Variants in EXOC4 observed in about 807,000 individuals in gnomAD.
EXOC4 encodes SEC8-like 1.
Under a neutral mutation model 107.2 loss-of-function variants are expected in EXOC4, and 71 were observed. The observed-to-expected ratio is 0.66, with a 90% CI of 0.55 to 0.81. EXOC4 has a LOEUF of 0.81. EXOC4 is among the 30% of genes least tolerant of loss of function. EXOC4 has a pLI of 0.00. For synonymous variants in EXOC4, 456 were observed against 441.2 expected, an observed-to-expected ratio of 1.03 and a Z score of -0.42; for missense variants, 1,108 against 1,189.6, an observed-to-expected ratio of 0.93 and a Z score of 1.01.
intron 10 of EXOC4, among the ~76,000 whole-genome samples, chr7:133,816,472 G>T (rs928256378): frequency 6.6e-6 from 1 of 152,134 alleles, no homozygotes; most frequent in Admixed American, 6.5e-5. Context: ...TAAGGTTGAA[G>T]TTCTCCTTTG....
intron 10 of EXOC4, among the ~76,000 whole-genome samples, chr7:133,648,535 T>A (rs1173293924): frequency 6.6e-6 from 1 of 152,164 alleles, no homozygotes; most frequent in Non-Finnish European, 1.5e-5. Context: ...TATCCCCCAA[T>A]GTACGATATA....
chr7:133,419,387 C>T (rs899175423), intron 7 of EXOC4, among the ~76,000 whole-genome samples: 102 of 152,104 alleles, frequency 6.7e-4, no homozygotes, highest in African/African-American at 2.4e-3. Flanking sequence ...TCCAATTCTT[C>T]AAGTTGGTAT....
chr7:133,255,631 G>A (rs1166517827), intron 1 of EXOC4, among the ~76,000 whole-genome samples: 3 of 152,222 alleles, frequency 2.0e-5, no homozygotes, highest in African/African-American at 7.2e-5. Flanking sequence ...CCTTAAGACC[G>A]AATGGTGTTG....
chr7:134,014,565 G>C (rs1794855537), intron 17 of EXOC4, among the ~76,000 whole-genome samples: 1 of 152,070 alleles, frequency 6.6e-6, no homozygotes, highest in Non-Finnish European at 1.5e-5. Flanking sequence ...TATTTTGTAT[G>C]ACACTATTCA....
At chr7:134,057,860 G>T (rs1326491836) in intron 17 of EXOC4, among the ~76,000 whole-genome samples, 1 of 152,172 alleles carries the variant, frequency 6.6e-6, no homozygotes, top group Non-Finnish European at 1.5e-5. Flanking sequence ...TTGGACATGA[G>T]AAATAGATCC....
chr7:133,968,314 T>C (rs1039542743), intron 14 of EXOC4, among the ~76,000 whole-genome samples: 1 of 152,228 alleles, frequency 6.6e-6, no homozygotes, highest in African/African-American at 2.4e-5. Context: ...CTGTGTCTTT[T>C]AAATGGGGCA....
At chr7:133,550,036 A>T (rs547232827) in intron 9 of EXOC4, among the ~76,000 whole-genome samples, 1 of 152,296 alleles carries the variant, frequency 6.6e-6, no homozygotes, top group Non-Finnish European at 1.5e-5. Flanking sequence ...GCTATTTCTT[A>T]TGAATGAAAT....
intron 1 of EXOC4, among the ~76,000 whole-genome samples, chr7:133,256,261 G>A (rs899887743): frequency 7.2e-5 from 11 of 152,184 alleles, no homozygotes; most frequent in Non-Finnish European, 1.5e-4. Context: ...GATTACAGGC[G>A]TGAGCCACCG....
intron 4 of EXOC4, among the ~76,000 whole-genome samples, chr7:133,309,412 G>C (rs1794820898): frequency 6.6e-6 from 1 of 152,092 alleles, no homozygotes. Context: ...TGCATAGGTG[G>C]CCAAGAGATA....
intron 17 of EXOC4, among the ~76,000 whole-genome samples, chr7:134,053,299 G>A (rs569505323): frequency 6.6e-6 from 1 of 151,882 alleles, no homozygotes; most frequent in South Asian, 2.1e-4. Context: ...TTGGAGGAGG[G>A]GGAAGCAGAT....
chr7:133,467,041 A>C (rs2150834665), intron 7 of EXOC4, among the ~76,000 whole-genome samples: 1 of 152,276 alleles, frequency 6.6e-6, no homozygotes, highest in Middle Eastern at 3.4e-3. Flanking sequence ...GATCATGGAA[A>C]TACCATCAAT....
chr7:133,701,985 C>CCTTTCCT (rs61110654), intron 10 of EXOC4, among the ~76,000 whole-genome samples: 4 of 36,306 alleles, frequency 1.1e-4, no homozygotes, highest in Admixed American at 3.4e-4. Flanking sequence ...TTTTCCTTTT[C>CCTTTCCT]TTTCTTTCTT....
At chr7:133,577,780 C>G (rs898010031) in intron 9 of EXOC4, among the ~76,000 whole-genome samples, 7 of 152,204 alleles carry the variant, frequency 4.6e-5, no homozygotes, top group African/African-American at 1.7e-4. Flanking sequence ...GTAAAAAATG[C>G]TCAATACATA....
chr7:134,079,371 C>G, the EXOC4 span, among the ~76,000 whole-genome samples: 1 of 151,344 alleles, frequency 6.6e-6, no homozygotes, highest in Non-Finnish European at 1.5e-5. Flanking sequence ...ACCCAGAGTG[C>G]TGTTTCATAG....
In EXOC4 at chr7:133,817,522, G is replaced by A; in HGVS notation, c.1712G>A (p.Gly571Glu). ...LANADTMKVL[G>E]VQRPLLQSTI... ...AACGCAGACACCATGAAGGTGCTGGGAGTGCAGCGGCCTCTCCTACAGGTA... is the reference window on the plus strand; with the variant it reads ...AACGCAGACACCATGAAGGTGCTGGAAGTGCAGCGGCCTCTCCTACAGGTA... The change falls in exon 11 of 18, where the codon GGA (glycine) becomes GAA (glutamate). Residue 571 changes from glycine to glutamate, a missense_variant. Transcript: ENST00000253861. The A allele has an allele frequency of 6.2e-7, 1 of 1,614,010 alleles. No individual in the cohort carries two copies. Among genetic ancestry groups the A allele is most frequent in the Non-Finnish European group, 8.5e-7 (1 of 1,179,908 alleles).
chr7:133,761,983 C>G (rs1796042030), intron 10 of EXOC4, among the ~76,000 whole-genome samples: 1 of 152,282 alleles, frequency 6.6e-6, no homozygotes, highest in Non-Finnish European at 1.5e-5. Context: ...ATGCTCTTCT[C>G]TGCCTCAAGC....
At chr7:133,952,300 G>A (rs559890640) in intron 14 of EXOC4, among the ~76,000 whole-genome samples, 24 of 152,354 alleles carry the variant, frequency 1.6e-4, no homozygotes, top group African/African-American at 5.3e-4. Flanking sequence ...GATTCTGTCT[G>A]TATTGAAGTG....
chr7:133,576,604 G>T (rs56138358), intron 9 of EXOC4: 160,015 of 1,289,536 alleles, frequency 0.12, 10,380 homozygotes, highest in East Asian at 0.23. Flanking sequence ...TTTCTCAAGG[G>T]GGTAGAGATA....
intron 10 of EXOC4, among the ~76,000 whole-genome samples, chr7:133,667,026 C>A (rs1365270597): frequency 1.3e-5 from 2 of 152,080 alleles, no homozygotes; most frequent in African/African-American, 2.4e-5. Context: ...TTCTTCCATT[C>A]TCTCTTAGCA....
Sources: allele counts gnomAD v4.1 joint callset (sites outside exome capture counted in the v4.1 genomes callset), GRCh38; gene constraint gnomAD v4.1.1; transcripts MANE v1.5; gene names NCBI Gene and HGNC (gene_info 2026-07-23, HGNC 2026-07-21).